Variants in MED1 observed in about 807,000 individuals in gnomAD.
MED1 encodes mediator of RNA polymerase II transcription subunit 1.
A neutral mutation model predicts 121.3 loss-of-function variants in MED1; 17 were observed. The ratio of observed to expected loss-of-function variants is 0.14; its 90% CI spans 0.10 to 0.21. The LOEUF (loss-of-function observed/expected upper bound fraction) is 0.21, where lower values mean the gene tolerates loss of function less well. Among genes scored for constraint, MED1 ranks in the 10% least tolerant of loss-of-function variants. The pLI, the probability that MED1 is intolerant of heterozygous loss-of-function variation, is 1.00. For missense variants in MED1, 1,558 were observed against 1,919.4 expected, an observed-to-expected ratio of 0.81 and a Z score of 3.52; for synonymous variants, 661 against 694.4, an observed-to-expected ratio of 0.95 and a Z score of 0.76.
chr17:39,428,428 G>A (rs1337533102), intron 9 of MED1, among the ~76,000 whole-genome samples: 1 of 152,090 alleles, frequency 6.6e-6, no homozygotes, highest in African/African-American at 2.4e-5. Flanking sequence ...AGGTTACAGT[G>A]AGCTGAGATC....
intron 8 of MED1, among the ~76,000 whole-genome samples, chr17:39,431,505 G>A (rs933522537): frequency 3.3e-5 from 5 of 151,800 alleles, no homozygotes; most frequent in African/African-American, 9.7e-5. Flanking sequence ...TCTCGAACTC[G>A]TGACCTCAGG....
At chr17:39,439,744 C>T (rs1379845100) in intron 5 of MED1, among the ~76,000 whole-genome samples, 1 of 151,874 alleles carries the variant, frequency 6.6e-6, no homozygotes, top group South Asian at 2.1e-4. Context: ...TGGAGACCAG[C>T]CTGGCCAACA....
chr17:39,431,046 G>T, intron 9 of MED1, 69 bp downstream of exon 9: 1 of 1,360,666 alleles, frequency 7.3e-7, no homozygotes, highest in Non-Finnish European at 1.0e-6. Flanking sequence ...AACTAAAGGT[G>T]AAATGAAAAG....
Position 39,405,657 on chromosome 17 carries a change from CTT to C in MED1, c.*1816_*1817del. 1 of 1,032,914 alleles carries C rather than the reference CTT, an allele frequency of 9.7e-7. No individual in the cohort carries two copies. 64.0% of individuals were successfully genotyped at this position (1,032,914 alleles called of 1,614,324 possible). ...TGACTCTGATGTGGTTAATTGATAA[CTT>C]TTCTTGCTCCACTTTACAATGTTTT... On this transcript the variant is annotated 3_prime_UTR_variant, in exon 17 of 17. Coordinates refer to ENST00000300651, the MANE Select transcript of MED1 (RefSeq NM_004774.4).
At chr17:39,410,829 C>G in intron 16 of MED1, 108 bp from the exon 17 acceptor site, 1 of 1,447,950 alleles carries the variant, frequency 6.9e-7, no homozygotes, top group Admixed American at 2.5e-5. Context: ...TCAGGTAGGG[C>G]AAATAATCTG....
At chr17:39,428,870 T>C (rs2048539046) in intron 9 of MED1, among the ~76,000 whole-genome samples, 1 of 151,502 alleles carries the variant, frequency 6.6e-6, no homozygotes, top group Non-Finnish European at 1.5e-5. Flanking sequence ...GAGAATTGCT[T>C]GAACCCAGGA....
chr17:39,448,715 G>A (rs547519809), intron 1 of MED1, among the ~76,000 whole-genome samples: 10 of 152,220 alleles, frequency 6.6e-5, no homozygotes, highest in Non-Finnish European at 1.5e-4. Context: ...TTCGAGACCA[G>A]CCTGACCAAC....
Position 39,407,727 on chromosome 17 carries a change from C to T in MED1, c.4494G>A (p.Lys1498=), listed in dbSNP as rs2144711418. 1 of 1,614,004 alleles carries T rather than the reference C, an allele frequency of 6.2e-7. No individual in the cohort carries two copies. Among genetic ancestry groups the T allele is most frequent in the African/African-American group, 1.3e-5 (1 of 75,014 alleles). The part of the protein sequence containing the change: ...PLPEYSTEKH[K]KHKKEKKKVK... ...CTTTCTTCTTTTCCTTTTTGTGCTTCTTATGTTTCTCTGTGCTGTATTCTG... is the reference window on the plus strand; with the variant it reads ...CTTTCTTCTTTTCCTTTTTGTGCTTTTTATGTTTCTCTGTGCTGTATTCTG... The change falls in exon 17 of 17, where the codon AAG becomes AAA. Residue 1498 remains lysine (K), a synonymous_variant. Transcript: ENST00000300651.
Position 39,407,847 on chromosome 17 carries a change from G to C in MED1, c.4374C>G (p.Pro1458=), listed in dbSNP as rs761194858. The C allele has an allele frequency of 9.9e-6, 16 of 1,614,010 alleles. No homozygotes were observed. In the Admixed American group the frequency reaches 2.0e-4, roughly 20 times the overall value. Residue 1458 remains proline (P), a synonymous_variant, in exon 17 of 17, where the codon CCC becomes CCG. Coordinates refer to ENST00000300651, the MANE Select transcript of MED1 (RefSeq NM_004774.4). ...ACTCACTTTCACTGTCCAGATTCTG[G>C]GGGGTATATGCTGGTGACTTACTAT... ...PSHSKSPAYT[P]QNLDSESESG...
In MED1 at chr17:39,423,807, G is replaced by A. The variant is rs1247126523; in HGVS notation, c.866C>T (p.Ser289Phe). The change falls in exon 12 of 17, where the codon TCC becomes TTC. Residue 289 changes from serine (S) to phenylalanine (F), a missense_variant. Physicochemically the swap from Ser to Phe is radical, Grantham distance 155. Transcript: ENST00000300651. ...PVDNKWTPSF[S>F]SITSANSVDL... is the part of the protein sequence containing the mutation. ...AACACTGTTGGCACTGGTGATTGAG[G>A]AGAAGGAAGGGGTCCTTCAAAAAAA... The A allele has an allele frequency of 3.7e-6, 6 of 1,611,230 alleles. No homozygotes were observed. In the East Asian group the frequency reaches 1.1e-4, roughly 30 times the overall value.
rs182430815 is a variant in MED1, at chr17:39,434,069, T to A, written c.500+180A>T. Among the ~76,000 whole-genome samples, 212 of 152,298 alleles carry A rather than the reference T, an allele frequency of 1.4e-3. 2 individuals are homozygous for A. Among genetic ancestry groups the A allele is most frequent in the Middle Eastern group, 3.4e-3 (1 of 294 alleles). Reference sequence around the variant, plus strand: ...CAGCATTATGATCGATTAATGCAGGTGCTGCCTATTGAAGATATCTTTGAA... The same window carrying A: ...CAGCATTATGATCGATTAATGCAGGAGCTGCCTATTGAAGATATCTTTGAA... On this transcript the variant is annotated intron_variant, in intron 7 of 16. Coordinates refer to ENST00000300651, the MANE Select transcript of MED1 (RefSeq NM_004774.4).
chr17:39,442,267 C>T (rs1378436892), intron 3 of MED1, among the ~76,000 whole-genome samples: 1 of 151,980 alleles, frequency 6.6e-6, no homozygotes, highest in Non-Finnish European at 1.5e-5. Flanking sequence ...TGGAAATTTG[C>T]TCCATAAACA....
In MED1 at chr17:39,408,460, G is replaced by A. The variant is rs756800815; in HGVS notation, c.3761C>T (p.Ser1254Leu). 9 of 1,614,146 alleles carry A rather than the reference G, an allele frequency of 5.6e-6. No homozygotes were observed. Among genetic ancestry groups the A allele is most frequent in the Admixed American group, 3.3e-5 (2 of 60,022 alleles). The change falls in exon 17 of 17, where the codon TCG becomes TTG. Residue 1254 changes from serine (S) to leucine (L), a missense_variant. By Grantham distance (145) the Ser-to-Leu change is moderately radical. Transcript: ENST00000300651. The surrounding 1 kb of genome is among the most constrained non-coding windows in gnomAD (Gnocchi z 4.7). ...TGATGGGGGAGTTTTCTGGGACAAC[G>A]AGCCTGAGGATCCTAACCCTGAAGA... ...KSSSGLGSSG[S>L]LSQKTPPSSN... is the part of the protein sequence containing the mutation.
At chr17:39,417,427 G>A (rs1300979854) in intron 14 of MED1, among the ~76,000 whole-genome samples, 1 of 151,758 alleles carries the variant, frequency 6.6e-6, no homozygotes, top group African/African-American at 2.4e-5. Flanking sequence ...AGGAGATCGA[G>A]ACCATCCTGG....
At chr17:39,447,941 T>A in intron 1 of MED1, 37 bp from the exon 2 acceptor site, 1 of 1,364,062 alleles carries the variant, frequency 7.3e-7, no homozygotes, top group Non-Finnish European at 1.0e-6. Context: ...CAGTAACTGT[T>A]CTATCAAGAC....
At chr17:39,414,633 C>CTCAACAACATTCTTTATACAT (rs2048388876) in intron 16 of MED1, among the ~76,000 whole-genome samples, 1 of 113,450 alleles carries the variant, frequency 8.8e-6, no homozygotes. Flanking sequence ...CCAGGCCCGG[C>CTCAACAACATTCTTTATACAT]CTTTTTTTTT....
chr17:39,423,672 C>T, intron 12 of MED1, 25 bp downstream of exon 12: 1 of 1,613,778 alleles, frequency 6.2e-7, no homozygotes, highest in Non-Finnish European at 8.5e-7. Context: ...ATAACAAGTA[C>T]TAGATCCTGA....
At chr17:39,448,596 T>A (rs2048751820) in intron 1 of MED1, among the ~76,000 whole-genome samples, 1 of 149,176 alleles carries the variant, frequency 6.7e-6, no homozygotes, top group Non-Finnish European at 1.5e-5. Context: ...GAGGAAAATT[T>A]AAAAAAAAGA....
In MED1 at chr17:39,424,536, T is replaced by C. The variant is rs2048496112; in HGVS notation, c.851+91A>G. 3.9e-6 allele frequency: 3 copies of C among 778,110 alleles called. No homozygotes were observed. In the African/African-American group the frequency reaches 5.4e-5, roughly 14 times the overall value. 48.2% of individuals were successfully genotyped at this position (778,110 alleles called of 1,614,324 possible). ...AAAACAAAAGGCCAACCTCTAGAAA[T>C]TCAAGTGGGGTAACAGCCAGGTTAA... is the stretch of plus-strand genomic sequence containing the variant. On this transcript the variant is annotated intron_variant, in intron 11 of 16. Transcript: ENST00000300651.
Sources: allele counts gnomAD v4.1 joint callset (sites outside exome capture counted in the v4.1 genomes callset), GRCh38; gene constraint gnomAD v4.1.1; non-coding constraint Gnocchi (gnomAD v3.1); transcripts MANE v1.5; gene names NCBI Gene and HGNC (gene_info 2026-07-23, HGNC 2026-07-21).